The following CFAP299 variants were observed in gnomAD, a reference collection of about 807,000 sequenced individuals.
CFAP299 encodes cilia and flagella associated protein 299.
In CFAP299, 21 loss-of-function variants were observed where a neutral mutation model predicts 27.0. The observed-to-expected ratio is 0.78, with a 90% CI of 0.55 to 1.12. The LOEUF (loss-of-function observed/expected upper bound fraction) is 1.12, where lower values mean the gene tolerates loss of function less well. Among genes scored for constraint, CFAP299 ranks in the 50% most tolerant of loss-of-function variants. CFAP299 has a pLI of 0.00. For synonymous variants in CFAP299, 104 were observed against 98.1 expected (o/e 1.06, Z -0.36); for missense variants, 310 against 276.6 (o/e 1.12, Z -0.86).
chr4:80,398,599 C>A (rs1725952807), intron 2 of CFAP299, among the ~76,000 whole-genome samples: 1 of 132,934 alleles, frequency 7.5e-6, no homozygotes, highest in African/African-American at 2.6e-5. Context: ...AAAGGATTCC[C>A]TATTTAATAA....
At chr4:80,854,103 A>C (rs1731686938) in intron 3 of CFAP299, among the ~76,000 whole-genome samples, 1 of 152,204 alleles carries the variant, frequency 6.6e-6, no homozygotes, top group Non-Finnish European at 1.5e-5. Flanking sequence ...TTAAGAAGAG[A>C]TTGAAGAAGC....
chr4:80,920,893 C>T (rs1049376849), intron 4 of CFAP299, among the ~76,000 whole-genome samples: 2 of 152,126 alleles, frequency 1.3e-5, no homozygotes, highest in Non-Finnish European at 2.9e-5. Context: ...AAATACTATT[C>T]TCTTATTCAG....
chr4:80,391,006 T>C (rs13134026), intron 2 of CFAP299, among the ~76,000 whole-genome samples: 28 of 77,058 alleles, frequency 3.6e-4, no homozygotes, highest in Non-Finnish European at 5.8e-4. Context: ...TATATGTATG[T>C]ACACACATGT....
chr4:80,839,951 G>C (rs1357364442), intron 3 of CFAP299, among the ~76,000 whole-genome samples: 1 of 151,972 alleles, frequency 6.6e-6, no homozygotes, highest in Non-Finnish European at 1.5e-5. Flanking sequence ...ATTTATTTTT[G>C]TCTTCCACTC....
chr4:80,720,249 G>A (rs1186431802), intron 3 of CFAP299, among the ~76,000 whole-genome samples: 2 of 152,144 alleles, frequency 1.3e-5, no homozygotes, highest in Non-Finnish European at 2.9e-5. Context: ...CTTACCTGGA[G>A]CAAGAGAGAA....
At chr4:80,399,885 AT>A (rs1335656015) in intron 2 of CFAP299, among the ~76,000 whole-genome samples, 1 of 152,158 alleles carries the variant, frequency 6.6e-6, no homozygotes, top group Non-Finnish European at 1.5e-5. Flanking sequence ...ATGTAGACTT[AT>A]TTCTTGATTT....
At position 80,368,080 on chromosome 4, in the gene CFAP299, T is replaced by C. The variant is rs192050516; in HGVS notation, c.242+5196T>C. Among the ~76,000 whole-genome samples, 375 of 152,352 alleles carry C rather than the reference T, an allele frequency of 2.5e-3. 1 individual carries two copies. Among genetic ancestry groups the C allele is most frequent in the South Asian group, 5.6e-3 (27 of 4,830 alleles). ...AATTCACCCCTCTTAAAACTGGTTC[T>C]GAGATAATGACCTTATTTTGCTAGA... On this transcript the variant is annotated intron_variant, in intron 2 of 5. Transcript: ENST00000358105.
At chr4:80,889,523 A>G (rs188271020) in intron 4 of CFAP299, among the ~76,000 whole-genome samples, 4 of 152,158 alleles carry the variant, frequency 2.6e-5, no homozygotes, top group Admixed American at 1.3e-4. Flanking sequence ...CAATGGCTTT[A>G]CTGATGAATT....
intron 3 of CFAP299, among the ~76,000 whole-genome samples, chr4:80,848,188 G>A (rs1304933694): frequency 6.6e-6 from 1 of 151,798 alleles, no homozygotes; most frequent in East Asian, 1.9e-4. Flanking sequence ...TCCAGTCTGG[G>A]CAATAGAGTG....
At chr4:80,758,396 C>T (rs1424242249) in intron 3 of CFAP299, among the ~76,000 whole-genome samples, 1 of 152,140 alleles carries the variant, frequency 6.6e-6, no homozygotes, top group African/African-American at 2.4e-5. Flanking sequence ...CCATGTACAG[C>T]TGCTTCTCCT....
At chr4:80,660,896 G>A (rs1487859270) in intron 3 of CFAP299, among the ~76,000 whole-genome samples, 1 of 152,112 alleles carries the variant, frequency 6.6e-6, no homozygotes, top group South Asian at 2.1e-4. Flanking sequence ...AAAATGTCTG[G>A]ATCAATCTAC....
chr4:80,455,340 T>G (rs1348006754), intron 2 of CFAP299, among the ~76,000 whole-genome samples: 1 of 152,232 alleles, frequency 6.6e-6, no homozygotes, highest in Non-Finnish European at 1.5e-5. Flanking sequence ...CAGGTCTCTT[T>G]CACTGTCATA....
chr4:80,527,051 T>C (rs958807419), intron 2 of CFAP299, among the ~76,000 whole-genome samples: 1 of 152,146 alleles, frequency 6.6e-6, no homozygotes, highest in African/African-American at 2.4e-5. Flanking sequence ...GAAGCCATTA[T>C]TGAGAGGATA....
chr4:80,393,350 C>A (rs1725598428), intron 2 of CFAP299, among the ~76,000 whole-genome samples: 1 of 151,966 alleles, frequency 6.6e-6, no homozygotes, highest in African/African-American at 2.4e-5. Context: ...GAAAGAATAA[C>A]AATTTTGTGT....
At chr4:80,724,387 G>T (rs1418145670) in intron 3 of CFAP299, among the ~76,000 whole-genome samples, 1 of 151,680 alleles carries the variant, frequency 6.6e-6, no homozygotes, top group Non-Finnish European at 1.5e-5. Context: ...CCAAATTAGT[G>T]CATTTAAAAA....
At chr4:80,557,683 C>A (rs1734844403) in intron 2 of CFAP299, among the ~76,000 whole-genome samples, 1 of 152,080 alleles carries the variant, frequency 6.6e-6, no homozygotes, top group African/African-American at 2.4e-5. Context: ...AGACAACTAA[C>A]TTTACGTAAT....
chr4:80,460,872 T>TG (rs1560577473), intron 2 of CFAP299, among the ~76,000 whole-genome samples: 2 of 152,212 alleles, frequency 1.3e-5, no homozygotes, highest in Non-Finnish European at 2.9e-5. Flanking sequence ...CAAATATGAA[T>TG]GACCAATGGC....
intron 3 of CFAP299, among the ~76,000 whole-genome samples, chr4:80,842,788 C>G (rs1730935823): frequency 6.6e-6 from 1 of 152,104 alleles, no homozygotes; most frequent in African/African-American, 2.4e-5. Flanking sequence ...GGAATATTTA[C>G]TAGCCTGAAA....
At chr4:80,430,821 A>G (rs547825235) in intron 2 of CFAP299, among the ~76,000 whole-genome samples, 1 of 152,196 alleles carries the variant, frequency 6.6e-6, no homozygotes, top group East Asian at 1.9e-4. Context: ...TATCTAATCT[A>G]TCATCTTTTT....
Sources: allele counts gnomAD v4.1 joint callset (sites outside exome capture counted in the v4.1 genomes callset), GRCh38; gene constraint gnomAD v4.1.1; transcripts MANE v1.5; gene names NCBI Gene and HGNC (gene_info 2026-07-23, HGNC 2026-07-21).